The following GPD1L variants were observed in gnomAD, a reference collection of about 807,000 sequenced individuals.
GPD1L encodes the protein glycerol-3-phosphate dehydrogenase 1-like protein.
GPD1L carries 17 observed loss-of-function variants against 32.9 expected under a neutral mutation model. The ratio of observed to expected loss-of-function variants is 0.52; its 90% CI spans 0.35 to 0.78. GPD1L has a LOEUF of 0.78. Among genes scored for constraint, GPD1L ranks in the 30% least tolerant of loss-of-function variants. The pLI is 0.01. For missense variants in GPD1L, 361 were observed against 447.8 expected (o/e 0.81, Z 1.75); for synonymous variants, 187 against 165.9 (o/e 1.13, Z -0.98).
chr3:32,131,272 T>C (rs1336706086), intron 2 of GPD1L, among the ~76,000 whole-genome samples: 5 of 152,204 alleles, frequency 3.3e-5, no homozygotes, highest in Non-Finnish European at 5.9e-5. Context: ...CACTGAGATA[T>C]AATCCACAGA....
At chr3:32,160,200 G>A (rs183442340) in intron 7 of GPD1L, among the ~76,000 whole-genome samples, 1 of 145,238 alleles carries the variant, frequency 6.9e-6, no homozygotes, top group Admixed American at 6.9e-5. Context: ...GGGATGAAGG[G>A]ATGGATGATG....
chr3:32,154,819 C>T (rs1700965101), intron 5 of GPD1L, among the ~76,000 whole-genome samples: 2 of 151,836 alleles, frequency 1.3e-5, no homozygotes, highest in South Asian at 4.2e-4. Context: ...ATGATCTCGG[C>T]TCACTGCAAC....
chr3:32,112,179 A>G (rs1045546597), intron 1 of GPD1L, among the ~76,000 whole-genome samples: 2 of 151,998 alleles, frequency 1.3e-5, no homozygotes, highest in Admixed American at 1.3e-4. Context: ...CCTGTTTGGT[A>G]TACAAATCAT....
chr3:32,113,702 T>G (rs1700285637), intron 1 of GPD1L, among the ~76,000 whole-genome samples: 1 of 152,128 alleles, frequency 6.6e-6, no homozygotes, highest in East Asian at 1.9e-4. Flanking sequence ...ACCCCCAAAC[T>G]TAGTGGCTTC....
chr3:32,132,558 C>T (rs1393776146), intron 2 of GPD1L, among the ~76,000 whole-genome samples: 1 of 152,186 alleles, frequency 6.6e-6, no homozygotes, highest in Non-Finnish European at 1.5e-5. Flanking sequence ...CTCCTTTCCT[C>T]CCTGGGTTTA....
chr3:32,131,069 T>A (rs1700581258), intron 2 of GPD1L, among the ~76,000 whole-genome samples: 1 of 152,102 alleles, frequency 6.6e-6, no homozygotes, highest in Admixed American at 6.5e-5. Context: ...TTATTTTCTG[T>A]AATTGCAAAA....
At chr3:32,147,957 A>T (rs1700856963) in intron 5 of GPD1L, among the ~76,000 whole-genome samples, 1 of 152,246 alleles carries the variant, frequency 6.6e-6, no homozygotes, top group South Asian at 2.1e-4. Context: ...GGGAGCACAC[A>T]TGCATATTTC....
intron 5 of GPD1L, among the ~76,000 whole-genome samples, chr3:32,148,976 T>C (rs1700873012): frequency 6.6e-6 from 1 of 152,230 alleles, no homozygotes; most frequent in African/African-American, 2.4e-5. Context: ...ACCCTTCCAA[T>C]GTTTTTAGTG....
chr3:32,130,688 A>G (rs2125480286), intron 2 of GPD1L, among the ~76,000 whole-genome samples: 1 of 152,262 alleles, frequency 6.6e-6, no homozygotes, highest in Non-Finnish European at 1.5e-5. Flanking sequence ...TATTTTCTGA[A>G]GGCCGGTTGC....
chr3:32,122,724 G>C (rs1175732500), intron 1 of GPD1L, among the ~76,000 whole-genome samples: 3 of 152,146 alleles, frequency 2.0e-5, no homozygotes, highest in African/African-American at 7.2e-5. Context: ...CCACCTGGAG[G>C]CCATACCTGG....
chr3:32,122,375 A>T (rs1700435498), intron 1 of GPD1L, among the ~76,000 whole-genome samples: 1 of 152,164 alleles, frequency 6.6e-6, no homozygotes. Context: ...CCTCAATTTC[A>T]TCATCTGTAA....
chr3:32,143,474 T>C (rs570371242), intron 4 of GPD1L, among the ~76,000 whole-genome samples: 4 of 152,220 alleles, frequency 2.6e-5, no homozygotes, highest in African/African-American at 9.6e-5. Context: ...AATGGTATCT[T>C]TGACTCTTCA....
At chr3:32,152,576 C>A (rs1299386690) in intron 5 of GPD1L, among the ~76,000 whole-genome samples, 1 of 152,174 alleles carries the variant, frequency 6.6e-6, no homozygotes, top group East Asian at 1.9e-4. Flanking sequence ...CAGAGAGCCA[C>A]TCCCGGAGTC....
At position 32,121,919 on chromosome 3, in the gene GPD1L, C is replaced by T. The variant is rs570968781; in HGVS notation, c.48-6157C>T. Among the ~76,000 whole-genome samples the T allele has an allele frequency of 2.8e-4, 43 of 151,596 alleles. 1 individual carries two copies. The South Asian group carries it at 8.2e-3, about 29-fold the overall frequency. On this transcript the variant is annotated intron_variant, in intron 1 of 7. Coordinates refer to ENST00000282541, the MANE Select transcript of GPD1L (RefSeq NM_015141.4). ...CTGAGGAGCTGGGATTACAGGCACG[C>T]GCCACCACGCCCGGCTAATTTTTGT...
intron 5 of GPD1L, among the ~76,000 whole-genome samples, chr3:32,150,325 CTA>C: frequency 6.6e-6 from 1 of 152,126 alleles, no homozygotes; most frequent in South Asian, 2.1e-4. Flanking sequence ...ATTGTTTAAT[CTA>C]TGTTATCTTT....
At position 32,167,311 on chromosome 3, in the gene GPD1L, T is replaced by G. The variant is rs976256415; in HGVS notation, c.*1401T>G. 9 of 152,280 alleles carry G rather than the reference T, an allele frequency of 5.9e-5. No homozygotes were observed. The highest frequency in any genetic ancestry group is 2.2e-4 in the African/African-American group (9 of 41,456). The allele number at this position is 152,280 out of a possible 1,614,324, so 9.4% of individuals were successfully genotyped here. ...TCTAGCCTAGCAAGTCCCAAACACATTACACTGAAGAGATTTTGGTGAGGA... is the reference window on the plus strand; with the variant it reads ...TCTAGCCTAGCAAGTCCCAAACACAGTACACTGAAGAGATTTTGGTGAGGA... On this transcript the variant is annotated 3_prime_UTR_variant, in exon 8 of 8. Coordinates refer to ENST00000282541, the MANE Select transcript of GPD1L (RefSeq NM_015141.4).
intron 2 of GPD1L, among the ~76,000 whole-genome samples, chr3:32,134,896 T>G (rs1468499405): frequency 1.3e-5 from 2 of 152,144 alleles, no homozygotes; most frequent in Non-Finnish European, 2.9e-5. Context: ...TTTGTTAAGG[T>G]CTTTGTAGTT....
At chr3:32,144,744 G>A (rs1700795068) in intron 4 of GPD1L, among the ~76,000 whole-genome samples, 1 of 149,980 alleles carries the variant, frequency 6.7e-6, no homozygotes, top group African/African-American at 2.5e-5. Flanking sequence ...GGAGTGCAGT[G>A]GCGTGATCTC....
rs968150311 is a variant in GPD1L, at chr3:32,142,125, T to A, written c.505+1759T>A. Among the ~76,000 whole-genome samples, 531 of 39,460 alleles carry A rather than the reference T, an allele frequency of 0.013. 3 individuals carry two copies. The African/African-American group carries it at 0.18, about 14-fold the overall frequency. The allele number at this position is 39,460 out of a possible 152,430, so 25.9% of individuals were successfully genotyped here. A position where few individuals can be genotyped will look rare whatever the true frequency, so the allele number is the denominator to read the frequency against. ...CCATGCTGCAAAGGACATGATTTTCTTTTTTTTTTTTTGAGATGGAGTCTC... is the reference window on the plus strand; with the variant it reads ...CCATGCTGCAAAGGACATGATTTTCATTTTTTTTTTTTGAGATGGAGTCTC... On this transcript the variant is annotated intron_variant, in intron 4 of 7. Coordinates refer to ENST00000282541, the MANE Select transcript of GPD1L (RefSeq NM_015141.4).
Sources: gnomAD v4.1 joint callset for allele counts (sites outside exome capture counted in the v4.1 genomes callset) on GRCh38, gnomAD v4.1.1 for gene constraint, MANE v1.5 for transcripts, NCBI Gene and HGNC (gene_info 2026-07-23, HGNC 2026-07-21) for gene names.